The following SLC35F1 variants were observed in gnomAD, a reference collection of about 807,000 sequenced individuals.
SLC35F1 encodes the protein solute carrier family 35 member F1, also known as chromosome 6 open reading frame 169.
In SLC35F1, 14 loss-of-function variants were observed where a neutral mutation model predicts 48.7. The observed-to-expected ratio is 0.29, with a 90% confidence interval of 0.19 to 0.45. The LOEUF is 0.45. SLC35F1 is among the 20% of genes least tolerant of loss of function. The probability of loss-of-function intolerance (pLI) is 1.00; values close to 1 mark genes in which losing one functional copy is unlikely to be tolerated. For synonymous variants in SLC35F1, 190 were observed against 202.2 expected (o/e 0.94, Z 0.51); for missense variants, 404 against 500.0 (o/e 0.81, Z 1.83).
chr6:118,288,747 A>C (rs1312190165), intron 7 of SLC35F1, among the ~76,000 whole-genome samples: 1 of 152,102 alleles, frequency 6.6e-6, no homozygotes, highest in African/African-American at 2.4e-5. Flanking sequence ...CTAGATTTTC[A>C]GGTTAACTTT....
At chr6:118,161,301 CAA>C (rs796961330) in intron 2 of SLC35F1, among the ~76,000 whole-genome samples, 23 of 130,716 alleles carry the variant, frequency 1.8e-4, no homozygotes, top group Non-Finnish European at 1.5e-4. Flanking sequence ...CATAGGCAGT[CAA>C]AAAAAAAAAA....
At chr6:118,063,321 C>A (rs1037365006) in intron 1 of SLC35F1, among the ~76,000 whole-genome samples, 4 of 152,076 alleles carry the variant, frequency 2.6e-5, no homozygotes, top group African/African-American at 9.7e-5. Context: ...TCTTTCTTTT[C>A]TGTGTATGCT....
intron 1 of SLC35F1, among the ~76,000 whole-genome samples, chr6:118,107,965 C>T (rs1773348360): frequency 6.6e-6 from 1 of 152,120 alleles, no homozygotes; most frequent in Non-Finnish European, 1.5e-5. Flanking sequence ...CTAGTTCCCA[C>T]ACAGCCCTAG....
At chr6:118,311,524 C>T (rs1162937981) in intron 7 of SLC35F1, among the ~76,000 whole-genome samples, 1 of 152,206 alleles carries the variant, frequency 6.6e-6, no homozygotes, top group Non-Finnish European at 1.5e-5. Context: ...GCGCGATGGC[C>T]CACGCCTGTA....
At chr6:118,168,172 G>C (rs1210361376) in intron 2 of SLC35F1, among the ~76,000 whole-genome samples, 1 of 152,112 alleles carries the variant, frequency 6.6e-6, no homozygotes, top group Non-Finnish European at 1.5e-5. Flanking sequence ...CTCTCTTGGA[G>C]AATACTGCAC....
At position 117,923,678 on chromosome 6, in the gene SLC35F1, CAT is replaced by C. The variant is rs1562238740; in HGVS notation, c.173+15785_173+15786del. On this transcript the variant is annotated intron_variant, in intron 1 of 7. Transcript: ENST00000360388. ...ACATATGTATATATACATATATGTA[CAT>C]ATATACATATGTACATATACATATA... Among the ~76,000 whole-genome samples the C allele has an allele frequency of 9.5e-5, 2 of 20,966 alleles. 1 individual carries two copies. Among genetic ancestry groups the C allele is most frequent in the African/African-American group, 3.9e-4 (2 of 5,150 alleles). The allele number at this position is 20,966 out of a possible 152,430, so 13.8% of individuals were successfully genotyped here.
chr6:118,056,598 C>G (rs577386196), intron 1 of SLC35F1, among the ~76,000 whole-genome samples: 1 of 152,332 alleles, frequency 6.6e-6, no homozygotes, highest in South Asian at 2.1e-4. Flanking sequence ...CAACTCAAAT[C>G]TGGTTGCCCT....
At chr6:118,109,435 C>T (rs1360803993) in intron 1 of SLC35F1, among the ~76,000 whole-genome samples, 1 of 152,128 alleles carries the variant, frequency 6.6e-6, no homozygotes, top group Admixed American at 6.6e-5. Context: ...GGAGATACAA[C>T]CATCTGCTGC....
chr6:118,011,543 A>G (rs747321703), intron 1 of SLC35F1, among the ~76,000 whole-genome samples: 4 of 152,158 alleles, frequency 2.6e-5, no homozygotes, highest in Admixed American at 6.5e-5. Context: ...TTACAATTCA[A>G]TGAGATTTGG....
chr6:118,000,530 A>C (rs2114866756), intron 1 of SLC35F1, among the ~76,000 whole-genome samples: 1 of 152,300 alleles, frequency 6.6e-6, no homozygotes, highest in South Asian at 2.1e-4. Context: ...TCCCTTTGAA[A>C]ACTGGCACAA....
At chr6:118,291,099 T>A (rs1241233502) in intron 7 of SLC35F1, among the ~76,000 whole-genome samples, 1 of 151,934 alleles carries the variant, frequency 6.6e-6, no homozygotes, top group Non-Finnish European at 1.5e-5. Flanking sequence ...AGCCAGAAAA[T>A]TGACTTTTAA....
intron 6 of SLC35F1, among the ~76,000 whole-genome samples, chr6:118,278,597 T>G (rs1775945689): frequency 6.6e-6 from 1 of 152,204 alleles, no homozygotes; most frequent in African/African-American, 2.4e-5. Context: ...CTGACCAGCC[T>G]TGTGTCTCAG....
At position 117,954,383 on chromosome 6, in the gene SLC35F1, G is replaced by A. The variant is rs569987603; in HGVS notation, c.173+46484G>A. On this transcript the variant is annotated intron_variant, in intron 1 of 7. Transcript: ENST00000360388. ...GGATTCTCCTGCCTCAGCCTCCCGA[G>A]TAGCTGGGATTACAGGCACCCGCCA... Among the ~76,000 whole-genome samples the A allele has an allele frequency of 3.3e-5, 5 of 152,192 alleles. No individual in the cohort carries two copies. The East Asian group carries it at 9.7e-4, about 29-fold the overall frequency.
chr6:118,035,549 G>A (rs1391364908), intron 1 of SLC35F1, among the ~76,000 whole-genome samples: 1 of 151,342 alleles, frequency 6.6e-6, no homozygotes, highest in Non-Finnish European at 1.5e-5. Context: ...GGGAGGCAGA[G>A]GTTGCAGTGA....
chr6:118,200,802 GATGA>G (rs1162839083), intron 2 of SLC35F1, among the ~76,000 whole-genome samples: 1 of 152,182 alleles, frequency 6.6e-6, no homozygotes, highest in East Asian at 1.9e-4. Flanking sequence ...CAGCACCCAA[GATGA>G]TAAAGATCCT....
intron 7 of SLC35F1, among the ~76,000 whole-genome samples, chr6:118,299,339 T>G (rs1776230040): frequency 6.6e-6 from 1 of 152,198 alleles, no homozygotes; most frequent in Non-Finnish European, 1.5e-5. Flanking sequence ...AGCGTTGTCA[T>G]GAGTTGTTAC....
rs1050130101 is a variant in SLC35F1 at position 118,288,800 on chromosome 6, G to C, written c.1002+3462G>C. Reference sequence around the variant, plus strand: ...GAGGGAGGGTCCATTCAGATGGTTGGGGGGGCCTTAGAATTTTATTCTTGG... The same window carrying C: ...GAGGGAGGGTCCATTCAGATGGTTGCGGGGGCCTTAGAATTTTATTCTTGG... On this transcript the variant is annotated intron_variant, in intron 7 of 7. Coordinates refer to ENST00000360388, the MANE Select transcript of SLC35F1 (RefSeq NM_001029858.4). 4.6e-5 allele frequency among the ~76,000 whole-genome samples: 7 copies of C among 151,992 alleles called. No individual in the cohort carries two copies. The East Asian group carries it at 1.4e-3, about 29-fold the overall frequency.
chr6:117,926,053 TG>T (rs1448243663), intron 1 of SLC35F1, among the ~76,000 whole-genome samples: 1 of 152,046 alleles, frequency 6.6e-6, no homozygotes, highest in African/African-American at 2.4e-5. Flanking sequence ...TAAAAGGAGT[TG>T]GGGAAGGCAT....
At chr6:118,112,082 CTTTCTTTTCTTTTCT>C (rs202065600) in intron 1 of SLC35F1, among the ~76,000 whole-genome samples, 18,469 of 131,578 alleles carry the variant, frequency 0.14, 1,740 homozygotes, top group East Asian at 0.26. Context: ...TTCTTTATTT[CTTTCTTTTCTTTTCT>C]TTTCTTTTCT....
Sources: allele counts gnomAD v4.1 joint callset (sites outside exome capture counted in the v4.1 genomes callset), GRCh38; gene constraint gnomAD v4.1.1; transcripts MANE v1.5; gene names NCBI Gene and HGNC (gene_info 2026-07-23, HGNC 2026-07-21).